ATP9B: variants seen among roughly 807,000 people sequenced by gnomAD.
ATP9B encodes ATPase phospholipid transporting 9B.
In ATP9B, 110 loss-of-function variants were observed where a neutral mutation model predicts 146.1. The observed-to-expected ratio is 0.75, with a 90% CI of 0.65 to 0.88. The LOEUF (loss-of-function observed/expected upper bound fraction) is 0.88. Ranked by LOEUF, ATP9B falls within the 40% of genes least tolerant of loss-of-function variation. ATP9B has a pLI of 0.00. For synonymous variants in ATP9B, 604 were observed against 569.7 expected (o/e 1.06, Z -0.86); for missense variants, 1,499 against 1,496.4 (o/e 1.00, Z -0.03).
chr18:79,123,223 G>A (rs918846723), intron 4 of ATP9B, among the ~76,000 whole-genome samples: 3 of 152,008 alleles, frequency 2.0e-5, no homozygotes, highest in African/African-American at 7.2e-5. Flanking sequence ...GAATTAGCAG[G>A]GTTGCAGGAT....
At chr18:79,353,811 G>A (rs1291868005) in intron 25 of ATP9B, 1 of 152,196 alleles carries the variant, frequency 6.6e-6, no homozygotes, top group African/African-American at 2.4e-5. Context: ...GCAGCAATGG[G>A]GTTTTTGTTG....
chr18:79,191,380 T>C (rs1295597993), intron 8 of ATP9B, among the ~76,000 whole-genome samples: 1 of 152,200 alleles, frequency 6.6e-6, no homozygotes, highest in African/African-American at 2.4e-5. Flanking sequence ...ATTTGGCATA[T>C]TTTTAGTCAT....
intron 1 of ATP9B, among the ~76,000 whole-genome samples, chr18:79,070,728 C>T (rs1232029146): frequency 1.3e-5 from 2 of 151,812 alleles, no homozygotes; most frequent in Admixed American, 1.3e-4. Context: ...TTTGTCATCT[C>T]GGTGGATTGT....
intron 13 of ATP9B, among the ~76,000 whole-genome samples, chr18:79,281,497 C>CA (rs35595923): frequency 3.7e-4 from 51 of 137,500 alleles, no homozygotes; most frequent in Non-Finnish European, 4.9e-4. Context: ...AACTCCATTT[C>CA]AAAAAAAAAA....
chr18:79,075,150 C>T (rs1219468286), intron 1 of ATP9B, among the ~76,000 whole-genome samples: 3 of 151,414 alleles, frequency 2.0e-5, no homozygotes, highest in Admixed American at 6.6e-5. Flanking sequence ...AGTCTTGGCT[C>T]ACTGCAAGCT....
chr18:79,219,327 T>C (rs2095656669), intron 11 of ATP9B, among the ~76,000 whole-genome samples: 1 of 151,304 alleles, frequency 6.6e-6, no homozygotes, highest in Admixed American at 6.6e-5. Flanking sequence ...GCCCAGAGCA[T>C]GGCGGTGGCA....
intron 13 of ATP9B, among the ~76,000 whole-genome samples, chr18:79,279,258 G>A (rs1229044891): frequency 6.6e-6 from 1 of 152,208 alleles, no homozygotes; most frequent in African/African-American, 2.4e-5. Context: ...TTGGGGAGAA[G>A]CACTCACTGG....
chr18:79,188,495 T>C (rs145378972), intron 8 of ATP9B, among the ~76,000 whole-genome samples: 7 of 152,340 alleles, frequency 4.6e-5, no homozygotes, highest in African/African-American at 1.7e-4. Context: ...CTTTGATTTC[T>C]GATCCACCTG....
intron 11 of ATP9B, among the ~76,000 whole-genome samples, chr18:79,243,385 C>T (rs2095908513): frequency 6.6e-6 from 1 of 152,226 alleles, no homozygotes; most frequent in African/African-American, 2.4e-5. Context: ...AGTCATACGT[C>T]TTGTCAAGAC....
rs993532373 is a variant in ATP9B, at chr18:79,294,184, C to A, written c.1412-9420C>A. Among the ~76,000 whole-genome samples the A allele has an allele frequency of 2.0e-5, 3 of 152,216 alleles. No homozygotes were observed. The East Asian group carries it at 5.8e-4, about 29-fold the overall frequency. ...ATGTAACTTTGTTTTTGGAAAACAT[C>A]TGTTGTCCATGTGGATTTTTTGCAT... On this transcript the variant is annotated intron_variant, in intron 13 of 29. Coordinates refer to ENST00000426216, the MANE Select transcript of ATP9B (RefSeq NM_198531.5).
intron 9 of ATP9B, among the ~76,000 whole-genome samples, chr18:79,200,058 G>C (rs1305648702): frequency 6.6e-6 from 1 of 152,174 alleles, no homozygotes; most frequent in Non-Finnish European, 1.5e-5. Flanking sequence ...ATAGTTGTTT[G>C]TTATTTAATA....
chr18:79,120,675 A>T (rs1190938239), intron 4 of ATP9B, among the ~76,000 whole-genome samples: 2 of 152,238 alleles, frequency 1.3e-5, no homozygotes, highest in African/African-American at 2.4e-5. Flanking sequence ...ATCAAAATGA[A>T]CGAGATGGAA....
chr18:79,243,674 C>A (rs1033393413), intron 11 of ATP9B, among the ~76,000 whole-genome samples: 4 of 152,224 alleles, frequency 2.6e-5, no homozygotes, highest in African/African-American at 9.6e-5. Flanking sequence ...AGCTGGACCA[C>A]AGTTGAGCAC....
In ATP9B at chr18:79,337,280, G is replaced by A. The variant is rs1422357714; in HGVS notation, c.2114G>A (p.Ser705Asn). The A allele has an allele frequency of 6.2e-7, 1 of 1,613,846 alleles. No homozygotes were observed. ...AGGCGCCTCCCCCTCTGTCCCCAGA[G>A]CCGATACACTCAAGCCAAGCTGAGC... ...LTEEQYQDFE[S>N]RYTQAKLSMH... Residue 705 changes from serine (S) to asparagine (N), a missense_variant and splice_region_variant, in exon 19 of 30, where the codon AGC (serine) becomes AAC (asparagine). Transcript: ENST00000426216.
chr18:79,093,075 G>A (rs1253560574), intron 1 of ATP9B, among the ~76,000 whole-genome samples: 2 of 152,122 alleles, frequency 1.3e-5, no homozygotes, highest in East Asian at 1.9e-4. Flanking sequence ...TACTGTGAAC[G>A]TTATTATGGC....
chr18:79,078,314 G>C (rs2072864573), intron 1 of ATP9B, among the ~76,000 whole-genome samples: 1 of 152,084 alleles, frequency 6.6e-6, no homozygotes, highest in Non-Finnish European at 1.5e-5. Context: ...TACTTTTCTG[G>C]TTGCTAACTC....
chr18:79,081,705 A>C (rs181615702), intron 1 of ATP9B, among the ~76,000 whole-genome samples: 12 of 151,228 alleles, frequency 7.9e-5, no homozygotes, highest in African/African-American at 2.9e-4. Flanking sequence ...TTCTGGGTTG[A>C]AAATTCTTTA....
intron 17 of ATP9B, among the ~76,000 whole-genome samples, chr18:79,335,762 G>C (rs1320696846): frequency 6.6e-6 from 1 of 152,244 alleles, no homozygotes; most frequent in Non-Finnish European, 1.5e-5. Context: ...GTTAAAAATA[G>C]AGCAAGAAGA....
chr18:79,258,073 G>A (rs1417009443), intron 12 of ATP9B, among the ~76,000 whole-genome samples: 1 of 152,204 alleles, frequency 6.6e-6, no homozygotes, highest in East Asian at 1.9e-4. Flanking sequence ...CAGTTGCCAA[G>A]AAAAATTAAT....
Sources: allele counts gnomAD v4.1 joint callset (sites outside exome capture counted in the v4.1 genomes callset), GRCh38; gene constraint gnomAD v4.1.1; transcripts MANE v1.5; gene names NCBI Gene and HGNC (gene_info 2026-07-23, HGNC 2026-07-21).